Variants in PABPC4L observed in about 807,000 individuals in gnomAD.
PABPC4L encodes polyadenylate-binding protein 4-like.
For missense variants in PABPC4L, 452 were observed against 451.4 expected (o/e 1.00, Z -0.01); for synonymous variants, 169 against 164.1 (o/e 1.03, Z -0.23).
chr4:133,968,361 C>T, the PABPC4L span, among the ~76,000 whole-genome samples: 1 of 152,168 alleles, frequency 6.6e-6, no homozygotes, highest in Non-Finnish European at 1.5e-5. Flanking sequence ...AACAGACATG[C>T]TTGTTGACAA....
chr4:134,136,101 G>T, the PABPC4L span, among the ~76,000 whole-genome samples: 4 of 152,062 alleles, frequency 2.6e-5, no homozygotes, highest in Non-Finnish European at 4.4e-5. Flanking sequence ...CAGAGAAATA[G>T]TATAGATTCA....
the PABPC4L span, among the ~76,000 whole-genome samples, chr4:134,017,340 T>C: frequency 8.6e-4 from 131 of 152,274 alleles, 1 homozygote; most frequent in Non-Finnish European, 1.5e-3. Context: ...GTTTAGATGC[T>C]CCTTTTTATT....
chr4:134,004,102 C>G, the PABPC4L span, among the ~76,000 whole-genome samples: 12 of 151,678 alleles, frequency 7.9e-5, no homozygotes, highest in Admixed American at 7.9e-4. Context: ...TTGGATAATA[C>G]CTCAAAGGCA....
chr4:134,108,221 A>G, the PABPC4L span, among the ~76,000 whole-genome samples: 5 of 151,900 alleles, frequency 3.3e-5, no homozygotes, highest in Admixed American at 2.6e-4. Flanking sequence ...AATTGTGATA[A>G]CATATTATGG....
chr4:133,973,624 G>A, the PABPC4L span, among the ~76,000 whole-genome samples: 1 of 152,026 alleles, frequency 6.6e-6, no homozygotes, highest in Non-Finnish European at 1.5e-5. Context: ...AACTGAATGG[G>A]TTTGGAGATC....
the PABPC4L span, among the ~76,000 whole-genome samples, chr4:133,998,934 A>G: frequency 1.6e-3 from 250 of 151,784 alleles, 1 homozygote; most frequent in African/African-American, 4.5e-3. Context: ...CTATTTTTTT[A>G]TTTTTATAAT....
At chr4:134,041,315 G>C in the PABPC4L span, among the ~76,000 whole-genome samples, 1 of 152,044 alleles carries the variant, frequency 6.6e-6, no homozygotes, top group African/African-American at 2.4e-5. Context: ...CAAAGACTTG[G>C]AGCCAACTCA....
At chr4:134,124,056 G>A in the PABPC4L span, among the ~76,000 whole-genome samples, 268 of 152,178 alleles carry the variant, frequency 1.8e-3, 1 homozygote, top group African/African-American at 5.3e-3. Context: ...TGGATTGAAC[G>A]CAATCAGAAA....
the PABPC4L span, among the ~76,000 whole-genome samples, chr4:133,967,864 G>A: frequency 6.6e-6 from 1 of 152,186 alleles, no homozygotes; most frequent in Non-Finnish European, 1.5e-5. Flanking sequence ...GGCAAGGCAA[G>A]AATATAAGCT....
the PABPC4L span, among the ~76,000 whole-genome samples, chr4:134,052,144 C>T: frequency 2.0e-5 from 3 of 151,976 alleles, no homozygotes; most frequent in Non-Finnish European, 4.4e-5. Flanking sequence ...ACATTGGATC[C>T]AGAGATTTTG....
the PABPC4L span, among the ~76,000 whole-genome samples, chr4:134,131,062 A>G: frequency 2.0e-5 from 3 of 152,160 alleles, no homozygotes. Flanking sequence ...AAAGCTATCT[A>G]TGACAAACCC....
At chr4:133,988,229 T>A in the PABPC4L span, among the ~76,000 whole-genome samples, 1 of 152,132 alleles carries the variant, frequency 6.6e-6, no homozygotes, top group African/African-American at 2.4e-5. Context: ...CAAAACACAA[T>A]CATGCCTTTC....
At chr4:134,133,642 A>T in the PABPC4L span, among the ~76,000 whole-genome samples, 19 of 151,738 alleles carry the variant, frequency 1.3e-4, 1 homozygote, top group South Asian at 3.9e-3. Context: ...AGCTATGAGG[A>T]CGCAATGGCA....
At chr4:134,033,833 A>G in the PABPC4L span, among the ~76,000 whole-genome samples, 2 of 151,960 alleles carry the variant, frequency 1.3e-5, no homozygotes. Flanking sequence ...TCCATAACAT[A>G]AAAGAAAATA....
chr4:133,949,025 A>T, the PABPC4L span, among the ~76,000 whole-genome samples: 1 of 152,104 alleles, frequency 6.6e-6, no homozygotes, highest in African/African-American at 2.4e-5. Flanking sequence ...TCTATTCCTA[A>T]TCCATACCTC....
chr4:134,143,791 T>A, the PABPC4L span, among the ~76,000 whole-genome samples: 1 of 151,598 alleles, frequency 6.6e-6, no homozygotes, highest in Non-Finnish European at 1.5e-5. Context: ...TTAAAGTAAC[T>A]TTAGTTACTT....
At chr4:134,085,363 A>C in the PABPC4L span, among the ~76,000 whole-genome samples, 1 of 152,202 alleles carries the variant, frequency 6.6e-6, no homozygotes, top group African/African-American at 2.4e-5. Flanking sequence ...ACACATGTAC[A>C]TATACAAATC....
At chr4:134,025,305 CAAAAAA>C in the PABPC4L span, among the ~76,000 whole-genome samples, 8 of 45,668 alleles carry the variant, frequency 1.8e-4, no homozygotes, top group East Asian at 3.3e-3. Context: ...GAATTCATCT[CAAAAAA>C]AAAAAAAAAA....
chr4:134,096,165 A>C, the PABPC4L span, among the ~76,000 whole-genome samples: 1 of 151,882 alleles, frequency 6.6e-6, no homozygotes. Context: ...TTTTTTATTT[A>C]TTTTATTGCC....
Sources: gnomAD v4.1 joint callset for allele counts (sites outside exome capture counted in the v4.1 genomes callset) on GRCh38, gnomAD v4.1.1 for gene constraint, MANE v1.5 for transcripts, NCBI Gene and HGNC (gene_info 2026-07-23, HGNC 2026-07-21) for gene names.